LNPEP: variants seen among roughly 807,000 people sequenced by gnomAD.
The protein encoded by LNPEP is leucyl and cystinyl aminopeptidase.
In LNPEP, 64 loss-of-function variants were observed where a neutral mutation model predicts 120.6. The ratio of observed to expected loss-of-function variants is 0.53; its 90% CI spans 0.43 to 0.65. LNPEP has a LOEUF of 0.65. Ranked by LOEUF, LNPEP falls within the 30% of genes least tolerant of loss-of-function variation. The pLI is 0.00. For synonymous variants in LNPEP, 435 were observed against 425.4 expected (o/e 1.02, Z -0.28); for missense variants, 1,057 against 1,200.0 (o/e 0.88, Z 1.76).
At chr5:97,011,738 A>G (rs2112655164) in intron 11 of LNPEP, among the ~76,000 whole-genome samples, 1 of 152,372 alleles carries the variant, frequency 6.6e-6, no homozygotes, top group East Asian at 1.9e-4. Flanking sequence ...ACCTTATTTA[A>G]CTGATCTTTC....
chr5:96,969,174 G>A (rs1789800835), intron 1 of LNPEP, among the ~76,000 whole-genome samples: 1 of 151,284 alleles, frequency 6.6e-6, no homozygotes, highest in Non-Finnish European at 1.5e-5. Context: ...CTTAAAAGGA[G>A]TTTCCCTTTT....
In LNPEP at chr5:96,986,573, A is replaced by G. The variant is rs1363110631; in HGVS notation, c.1034A>G (p.Gln345Arg). ...SSVVLDDGLV[Q>R]DEFSESVKMS... Reference sequence around the variant, plus strand: ...GTCGTTCTAGATGATGGACTTGTTCAGGATGAGTTTTCTGAGAGTGTGAAG... The same window carrying G: ...GTCGTTCTAGATGATGGACTTGTTCGGGATGAGTTTTCTGAGAGTGTGAAG... Residue 345 changes from glutamine to arginine, a missense_variant, in exon 4 of 18, where the codon CAG (glutamine) becomes CGG (arginine). Gln to Arg is a conservative substitution (Grantham distance 43, BLOSUM62 1). Coordinates refer to ENST00000231368, the MANE Select transcript of LNPEP (RefSeq NM_005575.3). The G allele has an allele frequency of 1.9e-6, 3 of 1,613,678 alleles. No homozygotes were observed. Among genetic ancestry groups the G allele is most frequent in the South Asian group, 2.2e-5 (2 of 91,044 alleles).
chr5:97,009,843 A>G (rs1025099624), intron 11 of LNPEP, among the ~76,000 whole-genome samples: 3 of 152,136 alleles, frequency 2.0e-5, no homozygotes, highest in African/African-American at 7.2e-5. Context: ...TATTTTTTCT[A>G]TTCTCAAAAG....
chr5:96,963,376 C>A (rs902052406), intron 1 of LNPEP, among the ~76,000 whole-genome samples: 1 of 152,126 alleles, frequency 6.6e-6, no homozygotes, highest in Non-Finnish European at 1.5e-5. Flanking sequence ...CCGGGTGTTT[C>A]CTCTGCTGAT....
chr5:96,998,227 A>G, intron 8 of LNPEP, 82 bp downstream of exon 8: 1 of 1,065,914 alleles, frequency 9.4e-7, no homozygotes, highest in Non-Finnish European at 1.4e-6. Flanking sequence ...TGTGATTTAG[A>G]TTATTTTAAA....
At chr5:96,994,962 G>C (rs1790476952) in intron 6 of LNPEP, among the ~76,000 whole-genome samples, 1 of 152,192 alleles carries the variant, frequency 6.6e-6, no homozygotes, top group Admixed American at 6.5e-5. Flanking sequence ...ACAAAAATTA[G>C]CTGGGCGTGG....
chr5:96,950,644 A>G (rs1789298369), intron 1 of LNPEP, among the ~76,000 whole-genome samples: 1 of 152,248 alleles, frequency 6.6e-6, no homozygotes, highest in Non-Finnish European at 1.5e-5. Context: ...GTATGAAAGC[A>G]TGAATTTTAG....
chr5:96,977,307 G>A (rs1231836022), intron 1 of LNPEP, among the ~76,000 whole-genome samples: 2 of 151,924 alleles, frequency 1.3e-5, no homozygotes. Context: ...ATACCAGGTG[G>A]ATGGGCATGG....
chr5:96,972,264 C>G (rs1789885661), intron 1 of LNPEP, among the ~76,000 whole-genome samples: 1 of 151,982 alleles, frequency 6.6e-6, no homozygotes, highest in Admixed American at 6.6e-5. Flanking sequence ...TTTATTAGGG[C>G]TTGGTTTTAG....
In LNPEP at chr5:97,024,262, C is replaced by T. The variant is rs17446823; in HGVS notation, c.2562-259C>T. ...AGGACAGAGGCTCTCATTCCTTTTC[C>T]GCTCCCTAGTGTCCAGCCAGTCGCC... On this transcript the variant is annotated intron_variant, in intron 14 of 17. Transcript: ENST00000231368. 7.3e-3 allele frequency among the ~76,000 whole-genome samples: 1,107 copies of T among 152,206 alleles called. 14 individuals carry two copies. Among genetic ancestry groups the T allele is most frequent in the Non-Finnish European group, 6.9e-3 (468 of 68,004 alleles).
chr5:96,955,619 A>AAAAAAG (rs1262839526), intron 1 of LNPEP, among the ~76,000 whole-genome samples: 1 of 152,228 alleles, frequency 6.6e-6, no homozygotes, highest in Admixed American at 6.5e-5. Flanking sequence ...ACTCCATCTC[A>AAAAAAG]AAAAAGAAAA....
chr5:96,998,109 A>G lies in LNPEP; in HGVS notation c.1617A>G (p.Gln539=). 6.3e-7 allele frequency: 1 copy of G among 1,596,974 alleles called. No homozygotes were observed. The highest frequency in any genetic ancestry group is 8.5e-7 in the Non-Finnish European group (1 of 1,170,134). The change falls in exon 8 of 18, where the codon CAA becomes CAG. Residue 539 remains glutamine, a synonymous_variant. Coordinates refer to ENST00000231368, the MANE Select transcript of LNPEP (RefSeq NM_005575.3). Reference sequence around the variant, plus strand: ...CATCATCTGTTCAGTCTTCAGAACAAATTGAAGAAATGTTTGATTCTCTTT... The same window carrying G: ...CATCATCTGTTCAGTCTTCAGAACAGATTGAAGAAATGTTTGATTCTCTTT... The part of the protein sequence containing the change: ...PISSSVQSSE[Q]IEEMFDSLSY...
chr5:96,992,977 G>A, intron 4 of LNPEP, 38 bp from the exon 5 acceptor site: 1 of 1,484,734 alleles, frequency 6.7e-7, no homozygotes, highest in African/African-American at 1.4e-5. Flanking sequence ...CATTTTAATT[G>A]TACCTGTCCT....
intron 11 of LNPEP, among the ~76,000 whole-genome samples, chr5:97,007,070 A>C (rs1390400417): frequency 6.6e-6 from 1 of 152,184 alleles, no homozygotes; most frequent in African/African-American, 2.4e-5. Context: ...ACAATATAAA[A>C]AGCAATTGAA....
rs1791408029 is a variant in LNPEP at position 97,028,731 on chromosome 5, A to T, written c.*198A>T. On this transcript the variant is annotated 3_prime_UTR_variant, in exon 18 of 18. Transcript: ENST00000231368. ...GTCTTTGGGCAGTATGTAGTTATTTATTACAAAATTATATTCACCTAAATG... is the reference window on the plus strand; with the variant it reads ...GTCTTTGGGCAGTATGTAGTTATTTTTTACAAAATTATATTCACCTAAATG... 3 of 470,882 alleles carry T rather than the reference A, an allele frequency of 6.4e-6. No homozygotes were observed. In the South Asian group the frequency reaches 8.6e-5, roughly 13 times the overall value. 29.2% of individuals were successfully genotyped at this position (470,882 alleles called of 1,614,324 possible).
At chr5:97,023,638 C>A (rs1791268631) in intron 14 of LNPEP, among the ~76,000 whole-genome samples, 1 of 152,106 alleles carries the variant, frequency 6.6e-6, no homozygotes, top group African/African-American at 2.4e-5. Context: ...CCTGGATAGA[C>A]CTTTGTGCTG....
At chr5:97,016,597 G>T (rs1791074793) in intron 13 of LNPEP, among the ~76,000 whole-genome samples, 1 of 151,966 alleles carries the variant, frequency 6.6e-6, no homozygotes, top group Admixed American at 6.6e-5. Context: ...GTCTTTCCAG[G>T]ATACCTTTAG....
chr5:97,027,617 T>C, intron 16 of LNPEP, 116 bp from the exon 17 acceptor site: 2 of 666,000 alleles, frequency 3.0e-6, no homozygotes, highest in Middle Eastern at 2.5e-4. Flanking sequence ...TCAGTTGCAG[T>C]TCCGGGAGGA....
chr5:96,986,393 C>G, intron 3 of LNPEP, 146 bp from the exon 4 acceptor site: 3 of 721,190 alleles, frequency 4.2e-6, no homozygotes, highest in Non-Finnish European at 6.8e-6. Context: ...AGGAGCCATG[C>G]TCTTTGCAGA....
Sources: allele counts gnomAD v4.1 joint callset (sites outside exome capture counted in the v4.1 genomes callset), GRCh38; gene constraint gnomAD v4.1.1; transcripts MANE v1.5; gene names NCBI Gene and HGNC (gene_info 2026-07-23, HGNC 2026-07-21).